Variants in MANBA observed in about 807,000 individuals in gnomAD.
MANBA encodes the protein beta-mannosidase.
MANBA carries 83 observed loss-of-function variants against 111.1 expected under a neutral mutation model. The ratio of observed to expected loss-of-function variants is 0.75; its 90% CI spans 0.63 to 0.90. MANBA has a LOEUF of 0.90. Ranked by LOEUF, MANBA falls within the 40% of genes least tolerant of loss-of-function variation. MANBA has a pLI of 0.00. For synonymous variants in MANBA, 370 were observed against 378.7 expected (o/e 0.98, Z 0.27); for missense variants, 1,036 against 1,069.0 (o/e 0.97, Z 0.43).
At chr4:102,680,578 G>A (rs1193809677) in intron 7 of MANBA, among the ~76,000 whole-genome samples, 1 of 147,736 alleles carries the variant, frequency 6.8e-6, no homozygotes, top group Non-Finnish European at 1.5e-5. Flanking sequence ...TTTGTCCAAA[G>A]TTCTAAAAAA....
At chr4:102,692,177 A>G (rs951470839) in intron 5 of MANBA, among the ~76,000 whole-genome samples, 10 of 152,170 alleles carry the variant, frequency 6.6e-5, no homozygotes, top group African/African-American at 2.4e-4. Flanking sequence ...GATGAATATG[A>G]AAGAAGCAGA....
chr4:102,670,904 T>C (rs1246752955), intron 9 of MANBA: 3 of 156,374 alleles, frequency 1.9e-5, no homozygotes, highest in African/African-American at 7.2e-5. Flanking sequence ...AGAAAAACAA[T>C]ATGAAACACA....
intron 5 of MANBA, among the ~76,000 whole-genome samples, chr4:102,702,435 G>A (rs947058254): frequency 4.6e-5 from 7 of 152,210 alleles, no homozygotes; most frequent in Middle Eastern, 3.4e-3. Context: ...GAGGTGCTCT[G>A]CTTTTTAGAG....
At position 102,657,742 on chromosome 4, in the gene MANBA, T is replaced by A; in HGVS notation, c.1644A>T (p.Lys548Asn). Reference protein sequence around the residue: ...SDCWNWKVFPKARFASEYGYQ... With the variant: ...SDCWNWKVFPNARFASEYGYQ... ...ATCCATATTCAGATGCAAATCGAGC[T>A]TTTGGGAAAACTTTCCAGTTCCAGC... Residue 548 changes from lysine (K) to asparagine (N), a missense_variant, in exon 12 of 17, where the codon AAA becomes AAT. Transcript: ENST00000647097. The A allele has an allele frequency of 6.2e-7, 1 of 1,613,972 alleles. No individual in the cohort carries two copies. The highest frequency in any genetic ancestry group is 8.5e-7 in the Non-Finnish European group (1 of 1,179,876).
intron 1 of MANBA, among the ~76,000 whole-genome samples, chr4:102,738,303 G>T (rs1723289484): frequency 1.3e-5 from 2 of 152,240 alleles, no homozygotes; most frequent in South Asian, 4.1e-4. Flanking sequence ...ACCAGCATTT[G>T]AGAAAGCCAG....
chr4:102,662,701 G>T, intron 11 of MANBA: 1 of 155,656 alleles, frequency 6.4e-6, no homozygotes, highest in Admixed American at 6.4e-5. Flanking sequence ...ATATACATGT[G>T]AATCTACAAG....
intron 5 of MANBA, among the ~76,000 whole-genome samples, chr4:102,697,327 C>G (rs1732763145): frequency 6.6e-6 from 1 of 151,874 alleles, no homozygotes; most frequent in African/African-American, 2.4e-5. Flanking sequence ...ATCAAATAAG[C>G]AAGACTGACA....
rs1182978960 is a variant in MANBA, at chr4:102,639,779, G to A, written c.1948C>T (p.His650Tyr). 6.2e-7 allele frequency: 1 copy of A among 1,614,092 alleles called. No individual in the cohort carries two copies. Among genetic ancestry groups the A allele is most frequent in the Non-Finnish European group, 8.5e-7 (1 of 1,180,010 alleles). ...TGCCAATAAAGTGCCCCCATCGTGT[G>A]CCCTTGCTGATCCACTATCTCGCTG... is the stretch of plus-strand genomic sequence containing the variant. ...SRSEIVDQQG[H>Y]TMGALYWQLN... The change falls in exon 14 of 17, where the codon CAC becomes TAC. Residue 650 changes from histidine to tyrosine, a missense_variant. Transcript: ENST00000647097.
intron 5 of MANBA, among the ~76,000 whole-genome samples, chr4:102,702,403 G>T (rs1733098456): frequency 6.6e-6 from 1 of 152,172 alleles, no homozygotes; most frequent in African/African-American, 2.4e-5. Context: ...CTGGTGAGGA[G>T]CTGCGTTCCT....
Position 102,731,789 on chromosome 4 carries a change from G to T in MANBA, c.178-5106C>A, listed in dbSNP as rs57694153. On this transcript the variant is annotated intron_variant, in intron 1 of 16. Coordinates refer to ENST00000647097, the MANE Select transcript of MANBA (RefSeq NM_005908.4). ...TTACTGAACGTGTTTGCTAACCCCT[G>T]CCCAAGATGACTGGCCTCCTAGATG... is the stretch of plus-strand genomic sequence containing the variant. Among the ~76,000 whole-genome samples, 72 of 151,892 alleles carry T rather than the reference G, an allele frequency of 4.7e-4. 2 individuals carry two copies. The East Asian group carries it at 0.013, about 28-fold the overall frequency.
chr4:102,636,736 C>A (rs1224152610), intron 14 of MANBA, among the ~76,000 whole-genome samples: 4 of 152,184 alleles, frequency 2.6e-5, no homozygotes, highest in African/African-American at 7.2e-5. Flanking sequence ...AGCTGGTGAT[C>A]CTCCTCAGGC....
At chr4:102,668,596 C>T in intron 10 of MANBA, 3 of 255,578 alleles carry the variant, frequency 1.2e-5, no homozygotes, top group Non-Finnish European at 2.3e-5. Context: ...TTGCTGTTTG[C>T]TGAGATGGAG....
At chr4:102,696,790 C>T (rs1365190997) in intron 5 of MANBA, among the ~76,000 whole-genome samples, 1 of 152,130 alleles carries the variant, frequency 6.6e-6, no homozygotes. Context: ...GTATGAAAAG[C>T]TGCAGGGAAA....
rs1722684719 is a variant in MANBA at position 102,723,933 on chromosome 4, C to T, written c.307G>A (p.Val103Met). Residue 103 changes from valine (V) to methionine (M), a missense_variant, in exon 3 of 17, where the codon GTG becomes ATG. Transcript: ENST00000647097. ...AACAGGATTTTTGAAACCGTATCCA[C>T]TCCCTCAAGAATCAAATTTACTTTT... ...WQKVNLILEG[V>M]DTVSKILFNE... 1 of 1,610,784 alleles carries T rather than the reference C, an allele frequency of 6.2e-7. No individual in the cohort carries two copies. The highest frequency in any genetic ancestry group is 8.5e-7 in the Non-Finnish European group (1 of 1,177,796).
At chr4:102,674,876 T>A (rs1731658983) in intron 7 of MANBA, among the ~76,000 whole-genome samples, 1 of 152,222 alleles carries the variant, frequency 6.6e-6, no homozygotes, top group African/African-American at 2.4e-5. Context: ...AAAGCACACA[T>A]TTCTCTAACT....
At chr4:102,703,157 G>T (rs1023019482) in intron 5 of MANBA, among the ~76,000 whole-genome samples, 1 of 152,146 alleles carries the variant, frequency 6.6e-6, no homozygotes, top group Non-Finnish European at 1.5e-5. Context: ...TTGAGACAGG[G>T]TCTTGCTTTG....
chr4:102,669,120 G>GTGT, intron 9 of MANBA, 71 bp from the exon 10 acceptor site: 1 of 1,164,180 alleles, frequency 8.6e-7, no homozygotes, highest in Non-Finnish European at 1.3e-6. Flanking sequence ...TCTTTATTCT[G>GTGT]AGCTCTGGGC....
chr4:102,632,004 G>A lies in MANBA; in HGVS notation c.*53C>T, dbSNP rs564240481. On this transcript the variant is annotated 3_prime_UTR_variant, in exon 17 of 17. Transcript: ENST00000647097. ...TCTGTTGCCTTCCTCTCCAGTCGGTGCTTTAGAAATGCTTTATTCCCATTG... is the reference window on the plus strand; with the variant it reads ...TCTGTTGCCTTCCTCTCCAGTCGGTACTTTAGAAATGCTTTATTCCCATTG... 17 of 1,438,894 alleles carry A rather than the reference G, an allele frequency of 1.2e-5. No homozygotes were observed. In the East Asian group the frequency reaches 3.2e-4, roughly 27 times the overall value. 89.1% of individuals were successfully genotyped at this position (1,438,894 alleles called of 1,614,324 possible).
chr4:102,680,260 G>A (rs751379572), intron 7 of MANBA, among the ~76,000 whole-genome samples: 2 of 152,122 alleles, frequency 1.3e-5, no homozygotes, highest in Non-Finnish European at 2.9e-5. Context: ...TTAAAGTTTG[G>A]TATTTCACTG....
Sources: gnomAD v4.1 joint callset for allele counts (sites outside exome capture counted in the v4.1 genomes callset) on GRCh38, gnomAD v4.1.1 for gene constraint, MANE v1.5 for transcripts, NCBI Gene and HGNC (gene_info 2026-07-23, HGNC 2026-07-21) for gene names.